The following PCDH9 variants were observed in gnomAD, a reference collection of about 807,000 sequenced individuals.
The protein encoded by PCDH9 is protocadherin-9.
PCDH9 carries 24 observed loss-of-function variants against 70.6 expected under a neutral mutation model. The observed-to-expected ratio is 0.34, with a 90% CI of 0.25 to 0.48. PCDH9 has a LOEUF of 0.48. Among genes scored for constraint, PCDH9 ranks in the 20% least tolerant of loss-of-function variants. The probability of loss-of-function intolerance (pLI) is 0.99; values close to 1 mark genes in which losing one functional copy is unlikely to be tolerated. For missense variants in PCDH9, 1,281 were observed against 1,503.6 expected, an observed-to-expected ratio of 0.85 and a Z score of 2.45; for synonymous variants, 562 against 558.5, an observed-to-expected ratio of 1.01 and a Z score of -0.09.
intron 3 of PCDH9, among the ~76,000 whole-genome samples, chr13:66,726,014 G>A (rs974044628): frequency 2.6e-5 from 4 of 152,112 alleles, no homozygotes; most frequent in South Asian, 2.1e-4. Context: ...TTGCATCAAC[G>A]TATACAATGA....
intron 4 of PCDH9, among the ~76,000 whole-genome samples, chr13:66,515,451 C>T (rs1959685898): frequency 1.3e-5 from 2 of 151,872 alleles, no homozygotes; most frequent in Non-Finnish European, 1.5e-5. Flanking sequence ...CGGATAAAAA[C>T]ATGGTATCAT....
At chr13:66,848,339 A>G (rs1338391409) in intron 3 of PCDH9, among the ~76,000 whole-genome samples, 1 of 152,196 alleles carries the variant, frequency 6.6e-6, no homozygotes, top group Non-Finnish European at 1.5e-5. Flanking sequence ...ACCAGACAAG[A>G]TTATATTCAA....
At chr13:67,026,864 GA>G (rs1163652237) in intron 2 of PCDH9, among the ~76,000 whole-genome samples, 1 of 152,110 alleles carries the variant, frequency 6.6e-6, no homozygotes, top group Non-Finnish European at 1.5e-5. Context: ...CAAGGGACGT[GA>G]AGGACCTCTT....
At chr13:66,671,995 C>G (rs1390732121) in intron 3 of PCDH9, among the ~76,000 whole-genome samples, 1 of 152,184 alleles carries the variant, frequency 6.6e-6, no homozygotes, top group East Asian at 1.9e-4. Context: ...TGTCAGAGGT[C>G]TTCACAGCAA....
chr13:66,969,883 T>C (rs1166851228), intron 2 of PCDH9, among the ~76,000 whole-genome samples: 2 of 152,084 alleles, frequency 1.3e-5, no homozygotes, highest in Non-Finnish European at 2.9e-5. Context: ...AGGGAAAGTC[T>C]AAAGCAAAAG....
intron 2 of PCDH9, among the ~76,000 whole-genome samples, chr13:67,109,142 G>A (rs541853211): frequency 6.6e-6 from 1 of 152,226 alleles, no homozygotes; most frequent in African/African-American, 2.4e-5. Context: ...TTTTTAAAGA[G>A]GTAATGGAGA....
intron 4 of PCDH9, among the ~76,000 whole-genome samples, chr13:66,353,465 G>A (rs960828426): frequency 6.6e-6 from 1 of 152,212 alleles, no homozygotes; most frequent in East Asian, 1.9e-4. Flanking sequence ...TACTGTTAAC[G>A]TTGTGTTTAA....
intron 2 of PCDH9, chr13:67,221,010 A>G (rs1593644170): frequency 1.3e-5 from 2 of 152,228 alleles, no homozygotes; most frequent in East Asian, 1.9e-4. Context: ...CTTCTACCTC[A>G]TAAGTATGAA....
At chr13:66,640,276 T>C (rs2077692137) in intron 3 of PCDH9, among the ~76,000 whole-genome samples, 1 of 152,202 alleles carries the variant, frequency 6.6e-6, no homozygotes, top group South Asian at 2.1e-4. Flanking sequence ...AAATGGAATC[T>C]GATTCAGTGT....
intron 3 of PCDH9, among the ~76,000 whole-genome samples, chr13:66,710,243 G>A (rs1230522350): frequency 6.6e-6 from 1 of 152,068 alleles, no homozygotes; most frequent in African/African-American, 2.4e-5. Flanking sequence ...TTACTAGAAT[G>A]TTTTATGCCT....
intron 2 of PCDH9, among the ~76,000 whole-genome samples, chr13:67,099,134 T>A (rs2086381507): frequency 1.3e-5 from 2 of 152,204 alleles, no homozygotes; most frequent in African/African-American, 4.8e-5. Flanking sequence ...TCAATTTACA[T>A]GAATGTAGAA....
intron 3 of PCDH9, among the ~76,000 whole-genome samples, chr13:66,673,447 G>A (rs1296440340): frequency 6.6e-6 from 1 of 152,098 alleles, no homozygotes; most frequent in African/African-American, 2.4e-5. Context: ...ATAGCATTAT[G>A]AAAGTGGACT....
At chr13:67,092,854 C>T (rs1253037853) in intron 2 of PCDH9, among the ~76,000 whole-genome samples, 2 of 152,098 alleles carry the variant, frequency 1.3e-5, no homozygotes, top group African/African-American at 2.4e-5. Flanking sequence ...CAGTTTCTCA[C>T]GTTGGCTTAA....
intron 3 of PCDH9, among the ~76,000 whole-genome samples, chr13:66,788,443 A>G (rs1200883224): frequency 6.6e-6 from 1 of 152,180 alleles, no homozygotes; most frequent in East Asian, 1.9e-4. Context: ...ATAATATAGA[A>G]TAACAATATA....
At position 66,735,621 on chromosome 13, in the gene PCDH9, A is replaced by G. The variant is rs1202934964; in HGVS notation, c.3139-104210T>C. 2.6e-5 allele frequency among the ~76,000 whole-genome samples: 4 copies of G among 152,180 alleles called. No individual in the cohort carries two copies. In the East Asian group the frequency reaches 7.7e-4, roughly 29 times the overall value. ...AGAATTTCATGAAACAGAATCAGAG[A>G]TATGTCACTGTGTGAATTTGGTCTT... On this transcript the variant is annotated intron_variant, in intron 3 of 4. Coordinates refer to ENST00000377865, the MANE Select transcript of PCDH9 (RefSeq NM_203487.3).
chr13:66,359,448 A>G (rs777130744), intron 4 of PCDH9, among the ~76,000 whole-genome samples: 3 of 151,900 alleles, frequency 2.0e-5, no homozygotes, highest in Non-Finnish European at 4.4e-5. Context: ...TAGGGTCATC[A>G]CTCATAATAG....
intron 2 of PCDH9, among the ~76,000 whole-genome samples, chr13:67,010,689 C>T (rs189395712): frequency 7.4e-4 from 112 of 152,100 alleles, no homozygotes; most frequent in Non-Finnish European, 1.4e-3. Context: ...ATTCTGGACT[C>T]CTGCAGTGAT....
At chr13:66,641,056 G>GC in intron 3 of PCDH9, among the ~76,000 whole-genome samples, 1 of 151,952 alleles carries the variant, frequency 6.6e-6, no homozygotes, top group Non-Finnish European at 1.5e-5. Context: ...TGTATTTTTA[G>GC]TAGAGATGGA....
intron 3 of PCDH9, among the ~76,000 whole-genome samples, chr13:66,642,032 G>C (rs775505307): frequency 2.6e-5 from 4 of 151,848 alleles, no homozygotes; most frequent in Non-Finnish European, 5.9e-5. Flanking sequence ...TGTAAGTGAG[G>C]AATAAAATAA....
Sources: allele counts gnomAD v4.1 joint callset (sites outside exome capture counted in the v4.1 genomes callset), GRCh38; gene constraint gnomAD v4.1.1; transcripts MANE v1.5; gene names NCBI Gene and HGNC (gene_info 2026-07-23, HGNC 2026-07-21).